HIF1AN: variants seen among roughly 807,000 people sequenced by gnomAD.
HIF1AN encodes hypoxia-inducible factor 1-alpha inhibitor.
In HIF1AN, 21 loss-of-function variants were observed where a neutral mutation model predicts 47.7. The observed-to-expected ratio is 0.44, with a 90% CI of 0.31 to 0.63. The LOEUF (loss-of-function observed/expected upper bound fraction) is 0.63, where lower values mean the gene tolerates loss of function less well. Among genes scored for constraint, HIF1AN ranks in the 30% least tolerant of loss-of-function variants. The pLI is 0.07. For synonymous variants in HIF1AN, 152 were observed against 155.9 expected (o/e 0.98, Z 0.18); for missense variants, 320 against 432.7 (o/e 0.74, Z 2.31).
At chr10:100,540,078 A>T (rs1843010343) in intron 2 of HIF1AN, among the ~76,000 whole-genome samples, 1 of 151,862 alleles carries the variant, frequency 6.6e-6, no homozygotes, top group Non-Finnish European at 1.5e-5. Flanking sequence ...GCACGATCTC[A>T]GCTCACTGCA....
chr10:100,546,666 T>C, intron 6 of HIF1AN, 85 bp downstream of exon 6: 1 of 973,036 alleles, frequency 1.0e-6, no homozygotes, highest in South Asian at 1.3e-5. Context: ...TTGGATGGGA[T>C]GGTTGACTAT....
chr10:100,538,037 A>G (rs1042464470), intron 2 of HIF1AN, among the ~76,000 whole-genome samples: 3 of 152,214 alleles, frequency 2.0e-5, no homozygotes, highest in African/African-American at 7.2e-5. Flanking sequence ...GATTTAAATG[A>G]TGCTGTTGGA....
Position 100,547,246 on chromosome 10 carries a change from A to G in HIF1AN, c.1001A>G (p.Gln334Arg). Reference sequence around the variant, plus strand: ...CTTGGAGAGGCCTTGGGGAACCCACAAGAGGTAGGTGACTGCCCCAAGGTG... The same window carrying G: ...CTTGGAGAGGCCTTGGGGAACCCACGAGAGGTAGGTGACTGCCCCAAGGTG... ...KMLGEALGNP[Q>R]EVGPLLNTMI... is the part of the protein sequence containing the mutation. Residue 334 changes from glutamine (Q) to arginine (R), a missense_variant, in exon 7 of 8, where the codon CAA (glutamine) becomes CGA (arginine). By Grantham distance (43) the Gln-to-Arg change is conservative. This residue lies in a region of HIF1AN where 161 missense variants were observed against 272.8 expected (regional missense o/e 0.59). Transcript: ENST00000299163. The G allele has an allele frequency of 6.2e-7, 1 of 1,610,052 alleles. No homozygotes were observed. The highest frequency in any genetic ancestry group is 1.1e-5 in the South Asian group (1 of 90,748).
Position 100,558,908 on chromosome 10 carries a change from G to A in HIF1AN, c.*10771G>A, listed in dbSNP as rs944804604. ...TCAAACCCCCACATCATTACTATTT[G>A]CTGTAAGGATCTATGCAGTTTGTAT... is the stretch of plus-strand genomic sequence containing the variant. On this transcript the variant is annotated 3_prime_UTR_variant, in exon 8 of 8. Coordinates refer to ENST00000299163, the MANE Select transcript of HIF1AN (RefSeq NM_017902.3). 1 of 152,204 alleles carries A rather than the reference G, an allele frequency of 6.6e-6. No homozygotes were observed. The highest frequency in any genetic ancestry group is 2.4e-5 in the African/African-American group (1 of 41,448). The allele number at this position is 152,204 out of a possible 1,614,324, so 9.4% of individuals were successfully genotyped here.
chr10:100,540,729 G>T lies in HIF1AN; in HGVS notation c.524G>T (p.Gly175Val), dbSNP rs1437094226. The T allele has an allele frequency of 6.2e-7, 1 of 1,613,688 alleles. No homozygotes were observed. The highest frequency in any genetic ancestry group is 8.5e-7 in the Non-Finnish European group (1 of 1,179,856). ...TGGAACTGGATTAATAAGCAACAGGGAAAGCGTGGCTGGGGGCAGCTTACC... is the reference window on the plus strand; with the variant it reads ...TGGAACTGGATTAATAAGCAACAGGTAAAGCGTGGCTGGGGGCAGCTTACC... ...FNWNWINKQQ[G>V]KRGWGQLTSN... The change falls in exon 3 of 8, where the codon GGA becomes GTA. Residue 175 changes from glycine to valine, a missense_variant. By Grantham distance (109) the Gly-to-Val change is moderately radical. Around this residue, in one of 2 missense-constraint regions of HIF1AN, gnomAD observed 161 missense variants for 272.8 expected, o/e 0.59. Coordinates refer to ENST00000299163, the MANE Select transcript of HIF1AN (RefSeq NM_017902.3).
At chr10:100,542,032 A>G (rs1487628676) in intron 3 of HIF1AN, among the ~76,000 whole-genome samples, 1 of 152,212 alleles carries the variant, frequency 6.6e-6, no homozygotes, top group Non-Finnish European at 1.5e-5. Context: ...TAGAAAAGGT[A>G]TAGTAAAAGT....
intron 7 of HIF1AN, 152 bp downstream of exon 7, chr10:100,547,402 G>A: frequency 6.8e-6 from 4 of 590,332 alleles, no homozygotes; most frequent in Non-Finnish European, 9.1e-6. Flanking sequence ...CTTGTTTTCT[G>A]GTGATAGCTG....
rs1314192279 is a variant in HIF1AN at position 100,553,993 on chromosome 10, C to T, written c.*5856C>T. ...AGATTTCCAGTGGTTCTTTCTCTCTCAAGAAAAGCATAGGGAAAAACGAGA... is the reference window on the plus strand; with the variant it reads ...AGATTTCCAGTGGTTCTTTCTCTCTTAAGAAAAGCATAGGGAAAAACGAGA... On this transcript the variant is annotated 3_prime_UTR_variant, in exon 8 of 8. Coordinates refer to ENST00000299163, the MANE Select transcript of HIF1AN (RefSeq NM_017902.3). 4 of 151,798 alleles carry T rather than the reference C, an allele frequency of 2.6e-5. No individual in the cohort carries two copies. In the East Asian group the frequency reaches 7.7e-4, roughly 29 times the overall value. 9.4% of individuals were successfully genotyped at this position (151,798 alleles called of 1,614,324 possible).
At chr10:100,546,768 CTTGCTCTAT>C (rs1412218334) in intron 6 of HIF1AN, among the ~76,000 whole-genome samples, 187 bp downstream of exon 6, 1 of 151,998 alleles carries the variant, frequency 6.6e-6, no homozygotes, top group Non-Finnish European at 1.5e-5. Context: ...GAGACAGAGT[CTTGCTCTAT>C]TCCCCAGGCT....
intron 1 of HIF1AN, 32 bp downstream of exon 1, chr10:100,536,167 G>A (rs1376002757): frequency 2.6e-6 from 4 of 1,563,378 alleles, no homozygotes; most frequent in South Asian, 1.2e-5. Flanking sequence ...AAAGGGAGAG[G>A]AGGAAGGTAC....
rs774685992 is a variant in HIF1AN at position 100,536,007 on chromosome 10, C to T, written c.49C>T (p.Arg17Trp). The T allele has an allele frequency of 1.9e-6, 3 of 1,574,960 alleles. No homozygotes were observed. Among genetic ancestry groups the T allele is most frequent in the South Asian group, 1.2e-5 (1 of 86,628 alleles). ...EAVASGSGEP[R>W]EEAGALGPAW... Reference sequence around the variant, plus strand: ...TGTGGCCTCTGGCTCTGGAGAGCCCCGGGAGGAGGCTGGAGCCCTCGGCCC... The same window carrying T: ...TGTGGCCTCTGGCTCTGGAGAGCCCTGGGAGGAGGCTGGAGCCCTCGGCCC... Residue 17 changes from arginine (R) to tryptophan (W), a missense_variant, in exon 1 of 8, where the codon CGG (arginine) becomes TGG (tryptophan). By Grantham distance (101) the Arg-to-Trp change is moderately radical. Around this residue, in one of 2 missense-constraint regions of HIF1AN, gnomAD observed 159 missense variants for 159.9 expected, o/e 0.99. Transcript: ENST00000299163.
intron 6 of HIF1AN, 55 bp downstream of exon 6, chr10:100,546,636 G>A: frequency 7.5e-7 from 1 of 1,325,368 alleles, no homozygotes; most frequent in Non-Finnish European, 1.1e-6. Context: ...TCTTGGGTGA[G>A]GTAGGTATAA....
chr10:100,546,608 T>C, intron 6 of HIF1AN, 27 bp downstream of exon 6: 2 of 1,577,250 alleles, frequency 1.3e-6, no homozygotes, highest in Non-Finnish European at 1.7e-6. Context: ...TTTTTTGTTT[T>C]TTCCAGATGG....
chr10:100,547,347 G>T, intron 7 of HIF1AN, 97 bp downstream of exon 7: 1 of 749,748 alleles, frequency 1.3e-6, no homozygotes, highest in South Asian at 1.5e-5. Context: ...TCAGTGTCTG[G>T]TGTCCTCTCT....
chr10:100,547,783 T>A (rs1381392588), intron 7 of HIF1AN, among the ~76,000 whole-genome samples: 1 of 152,150 alleles, frequency 6.6e-6, no homozygotes, highest in African/African-American at 2.4e-5. Context: ...TGGAGAAACA[T>A]ATAGACACTC....
At position 100,547,985 on chromosome 10, in the gene HIF1AN, A is replaced by G. The variant is rs1297264520; in HGVS notation, c.1006-108A>G. Reference sequence around the variant, plus strand: ...AGAGGATTCACAAGATTGTATGAAAACATTGTCTCTGTCCTTGGCTGGACA... The same window carrying G: ...AGAGGATTCACAAGATTGTATGAAAGCATTGTCTCTGTCCTTGGCTGGACA... On this transcript the variant is annotated intron_variant, in intron 7 of 7. Transcript: ENST00000299163. 4 of 987,920 alleles carry G rather than the reference A, an allele frequency of 4.0e-6. No homozygotes were observed. In the Admixed American group the frequency reaches 7.8e-5, roughly 19 times the overall value. The allele number at this position is 987,920 out of a possible 1,614,324, so 61.2% of individuals were successfully genotyped here.
In HIF1AN at chr10:100,555,638, ATCCC is replaced by A. The variant is rs1843208855; in HGVS notation, c.*7504_*7507del. ...ATACCTCTTTAGCTTGTGCCAACCC[ATCCC>A]TCTGGGCTACAGGCCATTCTGTAGT... On this transcript the variant is annotated 3_prime_UTR_variant, in exon 8 of 8. Transcript: ENST00000299163. 4 of 152,368 alleles carry A rather than the reference ATCCC, an allele frequency of 2.6e-5. No homozygotes were observed. In the South Asian group the frequency reaches 8.3e-4, roughly 32 times the overall value. The allele number at this position is 152,368 out of a possible 1,614,324, so 9.4% of individuals were successfully genotyped here.
chr10:100,542,744 C>T (rs1843051667), intron 3 of HIF1AN, among the ~76,000 whole-genome samples: 1 of 151,852 alleles, frequency 6.6e-6, no homozygotes, highest in Non-Finnish European at 1.5e-5. Flanking sequence ...CTACCCCTGT[C>T]TCTTAGCCTC....
At chr10:100,545,218 A>G (rs1405060995) in intron 4 of HIF1AN, 122 bp downstream of exon 4, 1 of 1,045,296 alleles carries the variant, frequency 9.6e-7, no homozygotes, top group Non-Finnish European at 1.4e-6. Flanking sequence ...TTCTTGCCTT[A>G]ACACACCAAG....
Sources: gnomAD v4.1 joint callset for allele counts (sites outside exome capture counted in the v4.1 genomes callset) on GRCh38, gnomAD v4.1.1 for gene constraint, gnomAD v4.1.1 regional missense constraint, MANE v1.5 for transcripts, NCBI Gene and HGNC (gene_info 2026-07-23, HGNC 2026-07-21) for gene names.